Variants in TMC3 observed in about 807,000 individuals in gnomAD.
TMC3 encodes transmembrane channel like 3, also known as transmembrane channel-like protein 3.
In TMC3, 98 loss-of-function variants were observed where a neutral mutation model predicts 110.6. The observed-to-expected ratio is 0.89, with a 90% CI of 0.75 to 1.05. The LOEUF (loss-of-function observed/expected upper bound fraction) is 1.05, where lower values mean the gene tolerates loss of function less well. Ranked by LOEUF, TMC3 falls within the 50% of genes least tolerant of loss-of-function variation. The pLI is 0.00. For missense variants in TMC3, 1,319 were observed against 1,373.2 expected (o/e 0.96, Z 0.62); for synonymous variants, 489 against 513.1 (o/e 0.95, Z 0.63).
intron 12 of TMC3, 91 bp downstream of exon 12, chr15:81,346,274 T>TG (rs1893826078): frequency 1.7e-6 from 2 of 1,150,950 alleles, no homozygotes; most frequent in African/African-American, 1.5e-5. Context: ...GTATAAGCAG[T>TG]GATCCTGTCC....
chr15:81,362,266 A>G lies in TMC3; in HGVS notation c.348T>C (p.Phe116=), dbSNP rs1033996805. 8 of 1,612,708 alleles carry G rather than the reference A, an allele frequency of 5.0e-6. No homozygotes were observed. The highest frequency in any genetic ancestry group is 6.8e-6 in the Non-Finnish European group (8 of 1,179,302). The change falls in exon 4 of 22, where the codon TTT becomes TTC. Residue 116 remains phenylalanine (F), a synonymous_variant. Transcript: ENST00000359440. Reference sequence around the variant, plus strand: ...TTTCCCAGGGAATGAAGATGACCACAAAGTTACAGGCGAGACGAGCAAATT... The same window carrying G: ...TTTCCCAGGGAATGAAGATGACCACGAAGTTACAGGCGAGACGAGCAAATT... ...WRKFARLACN[F]VVIFIPWEMR... is the part of the protein sequence containing the mutation.
chr15:81,356,733 AGGAGAGCACCGACT>A (rs915992805), intron 7 of TMC3, 139 bp from the exon 8 acceptor site: 76 of 914,430 alleles, frequency 8.3e-5, no homozygotes, highest in Non-Finnish European at 1.2e-4. Context: ...CAGCTTGGAC[AGGAGAGCACCGACT>A]GGATTTCTGC....
intron 3 of TMC3, among the ~76,000 whole-genome samples, chr15:81,363,114 G>C (rs1261179751): frequency 1.3e-5 from 2 of 152,110 alleles, no homozygotes; most frequent in Non-Finnish European, 2.9e-5. Flanking sequence ...AATTAGTCAG[G>C]TGTGGTGGCG....
chr15:81,353,939 G>A (rs962030805), intron 9 of TMC3, among the ~76,000 whole-genome samples: 1 of 152,198 alleles, frequency 6.6e-6, no homozygotes, highest in Non-Finnish European at 1.5e-5. Context: ...AAATAAAGGA[G>A]CAACTAATTG....
intron 3 of TMC3, among the ~76,000 whole-genome samples, chr15:81,364,808 C>T (rs1190966027): frequency 6.6e-6 from 1 of 151,662 alleles, no homozygotes; most frequent in Non-Finnish European, 1.5e-5. Context: ...ACAGTCACTT[C>T]AGAGTGATAT....
In TMC3 at chr15:81,339,433, A is replaced by G. The variant is rs1900068477; in HGVS notation, c.1916T>C (p.Ile639Thr). Residue 639 changes from isoleucine to threonine, a missense_variant, in exon 17 of 22, where the codon ATT becomes ACT. By Grantham distance (89) the Ile-to-Thr change is moderately conservative. Transcript: ENST00000359440. ...FLCMLPTIFA[I>T]VRYKPSLNCG... ...GTTTAGAGATGGCTTGTATCGGACA[A>G]TAGCAAAAATGGTTGGCAGCATGCA... is the stretch of plus-strand genomic sequence containing the variant. The G allele has an allele frequency of 6.2e-7, 1 of 1,611,538 alleles. No homozygotes were observed. The highest frequency in any genetic ancestry group is 1.1e-5 in the South Asian group (1 of 90,186).
intron 13 of TMC3, among the ~76,000 whole-genome samples, chr15:81,344,494 G>C (rs889278585): frequency 6.6e-6 from 1 of 152,148 alleles, no homozygotes; most frequent in Non-Finnish European, 1.5e-5. Context: ...CTTGACCACT[G>C]TGCCTCAGTT....
chr15:81,368,320 T>C lies in TMC3; in HGVS notation c.245A>G (p.Lys82Arg). Residue 82 changes from lysine to arginine, a missense_variant, in exon 3 of 22, where the codon AAG becomes AGG. Lys to Arg is a conservative substitution (Grantham distance 26). Coordinates refer to ENST00000359440, the MANE Select transcript of TMC3 (RefSeq NM_001080532.3). ...CCCTTCAAACTTCAGCACAATGTTC[T>C]TCGCTTGTCTAAGAGAAGAAAAACA... ...GQKLRALRQA[K>R]NIVLKFEGRL... 1 of 1,613,396 alleles carries C rather than the reference T, an allele frequency of 6.2e-7. No homozygotes were observed. The highest frequency in any genetic ancestry group is 8.5e-7 in the Non-Finnish European group (1 of 1,179,478).
intron 3 of TMC3, among the ~76,000 whole-genome samples, chr15:81,364,932 A>G (rs879858245): frequency 2.5e-3 from 381 of 150,728 alleles, no homozygotes; most frequent in Non-Finnish European, 4.1e-3. Flanking sequence ...TTTCTGCCAT[A>G]AACCAGGGGC....
chr15:81,338,807 G>A (rs1326054819), intron 17 of TMC3, 27 bp from the exon 18 acceptor site: 1 of 1,611,416 alleles, frequency 6.2e-7, no homozygotes, highest in South Asian at 1.1e-5. Context: ...CATAACTCCA[G>A]ATTTTATTGC....
At chr15:81,359,497 C>T (rs948890503) in intron 4 of TMC3, 26 bp from the exon 5 acceptor site, 2 of 1,466,564 alleles carry the variant, frequency 1.4e-6, no homozygotes, top group African/African-American at 1.4e-5. Flanking sequence ...ATAATGAGAA[C>T]AGTTTAAATA....
At position 81,334,932 on chromosome 15, in the gene TMC3, G is replaced by A. The variant is rs759417668; in HGVS notation, c.2247C>T (p.Asn749=). Residue 749 remains asparagine (N), a synonymous_variant, in exon 21 of 22, where the codon AAC becomes AAT. Transcript: ENST00000359440. Reference sequence around the variant, plus strand: ...ACAGCTGGCTGGTAAGATCACTGTCGTTTGGAAGCTTCTTGGTGCTTTCTT... The same window carrying A: ...ACAGCTGGCTGGTAAGATCACTGTCATTTGGAAGCTTCTTGGTGCTTTCTT... ...TQEESTKKLP[N]DSDLTSQLSS... 27 of 1,613,912 alleles carry A rather than the reference G, an allele frequency of 1.7e-5. No individual in the cohort carries two copies. The Admixed American group carries it at 3.7e-4, about 22-fold the overall frequency.
At chr15:81,338,007 C>T (rs1893634639) in intron 18 of TMC3, 83 bp from the exon 19 acceptor site, 3 of 1,147,984 alleles carry the variant, frequency 2.6e-6, no homozygotes, top group Non-Finnish European at 1.3e-6. Context: ...AGATAGTTGG[C>T]AGGAATGAGA....
Position 81,332,269 on chromosome 15 carries a change from AGCCTCAGG to A in TMC3, c.*142_*149del. The stretch of plus-strand genomic sequence containing the variant: ...TAGAATAGGTATCTGTAGCCCTGTC[AGCCTCAGG>A]GCCTCAGCTAGCAGCCGCTGACCAT... On this transcript the variant is annotated 3_prime_UTR_variant, in exon 22 of 22. Coordinates refer to ENST00000359440, the MANE Select transcript of TMC3 (RefSeq NM_001080532.3). 2 of 1,179,162 alleles carry A rather than the reference AGCCTCAGG, an allele frequency of 1.7e-6. No individual in the cohort carries two copies. Among genetic ancestry groups the A allele is most frequent in the Non-Finnish European group, 2.3e-6 (2 of 866,946 alleles). 73.0% of individuals were successfully genotyped at this position (1,179,162 alleles called of 1,614,324 possible).
chr15:81,355,813 T>A, intron 8 of TMC3, 45 bp from the exon 9 acceptor site: 1 of 1,248,750 alleles, frequency 8.0e-7, no homozygotes, highest in Non-Finnish European at 1.2e-6. Flanking sequence ...GCATCATCAT[T>A]AATTATAAAT....
chr15:81,343,405 T>C, intron 14 of TMC3, 60 bp from the exon 15 acceptor site: 1 of 1,117,954 alleles, frequency 8.9e-7, no homozygotes. Flanking sequence ...CATGAACCAA[T>C]TAATTACAGA....
chr15:81,343,651 A>C (rs982898255), intron 14 of TMC3, among the ~76,000 whole-genome samples: 1 of 151,716 alleles, frequency 6.6e-6, no homozygotes, highest in Non-Finnish European at 1.5e-5. Flanking sequence ...CTAGCTGGGC[A>C]TGGTGGCATG....
At chr15:81,354,606 A>C (rs966448576) in intron 9 of TMC3, among the ~76,000 whole-genome samples, 2 of 152,088 alleles carry the variant, frequency 1.3e-5, no homozygotes, top group Non-Finnish European at 2.9e-5. Flanking sequence ...CAAGGGGTAC[A>C]TGTGTGCAGC....
Position 81,372,581 on chromosome 15 carries a change from A to G in TMC3, c.236+10T>C. 6.2e-7 allele frequency: 1 copy of G among 1,613,042 alleles called. No individual in the cohort carries two copies. Among genetic ancestry groups the G allele is most frequent in the Non-Finnish European group, 8.5e-7 (1 of 1,179,878 alleles). ...TTGTAATGATCAATAATGGCCATTG[A>G]GGCCCTTACCTCAATGCCCTCAGCT... On this transcript the variant is annotated intron_variant, in intron 2 of 21. Transcript: ENST00000359440.
Sources: gnomAD v4.1 joint callset for allele counts (sites outside exome capture counted in the v4.1 genomes callset) on GRCh38, gnomAD v4.1.1 for gene constraint, MANE v1.5 for transcripts, NCBI Gene and HGNC (gene_info 2026-07-23, HGNC 2026-07-21) for gene names.